The following TMEM132B variants were observed in gnomAD, a reference collection of about 807,000 sequenced individuals.
The protein encoded by TMEM132B is transmembrane protein 132B.
Under a neutral mutation model 90.8 loss-of-function variants are expected in TMEM132B, and 18 were observed. The observed-to-expected ratio is 0.20, with a 90% CI of 0.14 to 0.29. The LOEUF (loss-of-function observed/expected upper bound fraction) is 0.29, where lower values mean the gene tolerates loss of function less well. Ranked by LOEUF, TMEM132B falls within the 10% of genes least tolerant of loss-of-function variation. The pLI, the probability that TMEM132B is intolerant of heterozygous loss-of-function variation, is 1.00. For synonymous variants in TMEM132B, 504 were observed against 523.3 expected (o/e 0.96, Z 0.50); for missense variants, 1,096 against 1,326.8 (o/e 0.83, Z 2.70).
At chr12:125,487,047 C>T (rs1352819820) in intron 3 of TMEM132B, among the ~76,000 whole-genome samples, 3 of 152,178 alleles carry the variant, frequency 2.0e-5, no homozygotes, top group Non-Finnish European at 4.4e-5. Context: ...TGGAAGCTCT[C>T]ATCTGCTTGA....
Position 125,654,967 on chromosome 12 carries a change from C to T in TMEM132B, c.*257C>T. On this transcript the variant is annotated 3_prime_UTR_variant, in exon 9 of 9. Transcript: ENST00000682704. The surrounding 1 kb of genome is among the most constrained non-coding windows in gnomAD (Gnocchi z 5.8). Reference sequence around the variant, plus strand: ...AGTTTTATGGACTGCCTGGTACGAGCTCAGTGCAAATGTATTAAACCTGAC... The same window carrying T: ...AGTTTTATGGACTGCCTGGTACGAGTTCAGTGCAAATGTATTAAACCTGAC... The T allele has an allele frequency of 2.2e-6, 1 of 449,354 alleles. No homozygotes were observed. Among genetic ancestry groups the T allele is most frequent in the Non-Finnish European group, 4.0e-6 (1 of 250,504 alleles). 27.8% of individuals were successfully genotyped at this position (449,354 alleles called of 1,614,324 possible).
At chr12:125,537,151 C>T (rs1883825482) in intron 4 of TMEM132B, among the ~76,000 whole-genome samples, 1 of 152,194 alleles carries the variant, frequency 6.6e-6, no homozygotes, top group African/African-American at 2.4e-5. Context: ...AAAGTAGACC[C>T]TGGGGAACCC....
intron 4 of TMEM132B, among the ~76,000 whole-genome samples, chr12:125,568,651 T>G (rs1884719411): frequency 1.3e-5 from 2 of 152,210 alleles, no homozygotes; most frequent in African/African-American, 4.8e-5. Context: ...CCCCTCTGGC[T>G]CTTTTGATGG....
At chr12:125,239,694 G>A (rs955665438) in intron 1 of TMEM132B, among the ~76,000 whole-genome samples, 3 of 152,202 alleles carry the variant, frequency 2.0e-5, no homozygotes, top group Non-Finnish European at 4.4e-5. Flanking sequence ...ATGTGAATGC[G>A]GAAGGGAGAG....
At chr12:125,651,922 G>A (rs994777372) in intron 7 of TMEM132B, among the ~76,000 whole-genome samples, 13 of 152,286 alleles carry the variant, frequency 8.5e-5, no homozygotes, top group African/African-American at 2.6e-4. Flanking sequence ...TCCTTGTCAC[G>A]TGGTCCCTTC....
intron 4 of TMEM132B, among the ~76,000 whole-genome samples, chr12:125,579,508 T>A (rs1885006060): frequency 6.6e-6 from 1 of 151,768 alleles, no homozygotes; most frequent in Admixed American, 6.6e-5. Context: ...ATTACAGGTG[T>A]GGTGGCACCA....
intron 3 of TMEM132B, among the ~76,000 whole-genome samples, chr12:125,426,128 G>A (rs982557538): frequency 1.3e-5 from 2 of 152,196 alleles, no homozygotes; most frequent in Admixed American, 1.3e-4. Flanking sequence ...CAGTATTTTG[G>A]ATTTTAGCCA....
chr12:125,197,147 C>T (rs1269708581), intron 1 of TMEM132B, among the ~76,000 whole-genome samples: 8 of 151,972 alleles, frequency 5.3e-5, no homozygotes, highest in African/African-American at 9.6e-5. Flanking sequence ...GATTCTCTCC[C>T]GCCTCCCACC....
At chr12:125,411,217 G>A (rs1271357575) in intron 2 of TMEM132B, among the ~76,000 whole-genome samples, 1 of 150,042 alleles carries the variant, frequency 6.7e-6, no homozygotes, top group African/African-American at 2.5e-5. Flanking sequence ...TGGTCAGGGA[G>A]TGAAACTGAG....
chr12:125,189,071 A>ATC (rs1438965855), intron 1 of TMEM132B, among the ~76,000 whole-genome samples: 1 of 151,980 alleles, frequency 6.6e-6, no homozygotes, highest in Non-Finnish European at 1.5e-5. Context: ...ACTGTCTCCC[A>ATC]TCACACACAC....
intron 2 of TMEM132B, among the ~76,000 whole-genome samples, chr12:125,412,505 A>T (rs1441872484): frequency 6.6e-6 from 1 of 152,080 alleles, no homozygotes; most frequent in Non-Finnish European, 1.5e-5. Context: ...GAGTGAGGGG[A>T]TCTGGTTTCG....
At chr12:125,646,056 G>C (rs1169808425) in intron 6 of TMEM132B, among the ~76,000 whole-genome samples, 1 of 152,202 alleles carries the variant, frequency 6.6e-6, no homozygotes. Flanking sequence ...ACAGAAAGCC[G>C]AGATCATTGT....
intron 1 of TMEM132B, among the ~76,000 whole-genome samples, chr12:125,342,432 G>A (rs186062799): frequency 6.6e-6 from 1 of 152,144 alleles, no homozygotes; most frequent in Admixed American, 6.5e-5. Flanking sequence ...TTACATTATA[G>A]GCTCTAAGTT....
chr12:125,260,660 C>T (rs1874542880), intron 1 of TMEM132B, among the ~76,000 whole-genome samples: 1 of 152,122 alleles, frequency 6.6e-6, no homozygotes, highest in African/African-American at 2.4e-5. Flanking sequence ...TAAATTGCCC[C>T]ACTTGTTTTC....
chr12:125,554,125 A>C (rs554671780), intron 4 of TMEM132B, among the ~76,000 whole-genome samples: 2 of 152,176 alleles, frequency 1.3e-5, no homozygotes, highest in Non-Finnish European at 2.9e-5. Flanking sequence ...TTCTTTGTAT[A>C]AGATTTATCA....
intron 1 of TMEM132B, among the ~76,000 whole-genome samples, chr12:125,322,025 C>T (rs440619): frequency 0.7 from 106,061 of 152,110 alleles, 38,039 homozygotes; most frequent in African/African-American, 0.84. Flanking sequence ...AATTATTATG[C>T]GAAATAAAAG....
At position 125,262,124 on chromosome 12, in the gene TMEM132B, A is replaced by G. The variant is rs566255705; in HGVS notation, c.67+75258A>G. 2.6e-5 allele frequency among the ~76,000 whole-genome samples: 4 copies of G among 151,942 alleles called. No individual in the cohort carries two copies. The South Asian group carries it at 8.3e-4, about 32-fold the overall frequency. ...CAAGTGGGTCAATTTAAAGATAAAT[A>G]TTGACTGGGCACAGTGGCTCACATC... On this transcript the variant is annotated intron_variant, in intron 1 of 8. Coordinates refer to ENST00000682704, the MANE Select transcript of TMEM132B (RefSeq NM_001366854.1).
chr12:125,320,483 G>A (rs1012164274), intron 1 of TMEM132B, among the ~76,000 whole-genome samples: 1 of 152,164 alleles, frequency 6.6e-6, no homozygotes, highest in African/African-American at 2.4e-5. Context: ...GCTTTTATTA[G>A]CGTGTGGAAC....
At chr12:125,413,392 A>G (rs932696165) in intron 2 of TMEM132B, among the ~76,000 whole-genome samples, 3 of 152,088 alleles carry the variant, frequency 2.0e-5, no homozygotes, top group Non-Finnish European at 4.4e-5. Flanking sequence ...GGCAATTAGT[A>G]CATTCACAGT....
Sources: allele counts gnomAD v4.1 joint callset (sites outside exome capture counted in the v4.1 genomes callset), GRCh38; gene constraint gnomAD v4.1.1; non-coding constraint Gnocchi (gnomAD v3.1); transcripts MANE v1.5; gene names NCBI Gene and HGNC (gene_info 2026-07-23, HGNC 2026-07-21).